Variants in ZNF516 observed in about 807,000 individuals in gnomAD.
The protein encoded by ZNF516 is zinc finger protein 516.
Under a neutral mutation model 79.7 loss-of-function variants are expected in ZNF516, and 19 were observed. That is an observed-to-expected ratio of 0.24 (90% confidence interval 0.17 to 0.35). ZNF516 has a LOEUF of 0.35. ZNF516 is among the 10% of genes least tolerant of loss of function. The probability of loss-of-function intolerance (pLI) is 1.00; values close to 1 mark genes in which losing one functional copy is unlikely to be tolerated. For synonymous variants in ZNF516, 877 were observed against 739.5 expected, an observed-to-expected ratio of 1.19 and a Z score of -3.02; for missense variants, 1,678 against 1,679.5, an observed-to-expected ratio of 1.00 and a Z score of 0.02.
chr18:76,472,841 C>G (rs1436813195), intron 1 of ZNF516, among the ~76,000 whole-genome samples: 1 of 152,186 alleles, frequency 6.6e-6, no homozygotes, highest in Non-Finnish European at 1.5e-5. Context: ...GTGATCTACA[C>G]ATAAAATAAA....
chr18:76,381,470 A>G (rs2074891885), intron 3 of ZNF516, among the ~76,000 whole-genome samples: 2 of 152,182 alleles, frequency 1.3e-5, no homozygotes, highest in South Asian at 4.1e-4. Flanking sequence ...ATTTTCAGAG[A>G]TTTTTAACAT....
At chr18:76,475,440 G>T (rs1431946928) in intron 1 of ZNF516, among the ~76,000 whole-genome samples, 3 of 152,222 alleles carry the variant, frequency 2.0e-5, no homozygotes, top group Admixed American at 1.3e-4. Flanking sequence ...AAATTTGGCA[G>T]TATCTGTCAA....
chr18:76,401,585 G>A (rs916960371), intron 3 of ZNF516, among the ~76,000 whole-genome samples: 3 of 151,972 alleles, frequency 2.0e-5, no homozygotes, highest in Non-Finnish European at 4.4e-5. Flanking sequence ...TCTCCGAAAC[G>A]CCCTGCAGCT....
chr18:76,441,565 G>A lies in ZNF516; in HGVS notation c.1490C>T (p.Ser497Leu), dbSNP rs1263490596. 6.7e-6 allele frequency: 10 copies of A among 1,483,956 alleles called. No homozygotes were observed. Among genetic ancestry groups the A allele is most frequent in the Non-Finnish European group, 7.1e-6 (8 of 1,122,424 alleles). The allele number at this position is 1,483,956 out of a possible 1,614,324, so 91.9% of individuals were successfully genotyped here. The stretch of plus-strand genomic sequence containing the variant: ...GGCCCTGCGGTTGGGGCGCGCGGCC[G>A]AGCGGGGATCGAGGTGGCCGGCGGG... ...PAPAGHLDPRSAARPNRRAAA... is the reference protein window; with the variant it reads ...PAPAGHLDPRLAARPNRRAAA... Residue 497 changes from serine to leucine, a missense_variant, in exon 3 of 7, where the codon TCG becomes TTG. Around this residue, in one of 5 missense-constraint regions of ZNF516, gnomAD observed 1,294 missense variants for 1,248.3 expected, o/e 1.04. Transcript: ENST00000443185.
intron 1 of ZNF516, chr18:76,488,232 C>T (rs1378795862): frequency 1.0e-6 from 1 of 985,262 alleles, no homozygotes; most frequent in East Asian, 1.1e-4. Context: ...GTAGGGGCCG[C>T]TTCCAAGGCC....
In ZNF516 at chr18:76,359,099, A is replaced by G. The variant is rs1227885350; in HGVS notation, c.*3399T>C. On this transcript the variant is annotated 3_prime_UTR_variant, in exon 7 of 7. Transcript: ENST00000443185. ...TCAGCGACCTGTGCACAGTGGCCGG[A>G]TCAGGGGTGGGGGCCTGTCATACTG... The G allele has an allele frequency of 1.3e-5, 2 of 152,206 alleles. No homozygotes were observed. Among genetic ancestry groups the G allele is most frequent in the African/African-American group, 4.8e-5 (2 of 41,442 alleles). 9.4% of individuals were successfully genotyped at this position (152,206 alleles called of 1,614,324 possible).
chr18:76,405,290 G>A (rs1279875603), intron 3 of ZNF516, among the ~76,000 whole-genome samples: 1 of 152,160 alleles, frequency 6.6e-6, no homozygotes, highest in Non-Finnish European at 1.5e-5. Flanking sequence ...GTGCAGTGGT[G>A]CAATCATAGC....
intron 1 of ZNF516, among the ~76,000 whole-genome samples, chr18:76,473,638 A>G (rs1364895808): frequency 6.6e-6 from 1 of 151,768 alleles, no homozygotes; most frequent in Non-Finnish European, 1.5e-5. Flanking sequence ...TGTCTCTACT[A>G]AAAATACAAA....
intron 1 of ZNF516, among the ~76,000 whole-genome samples, chr18:76,494,804 A>G (rs924969212): frequency 6.6e-5 from 10 of 151,062 alleles, no homozygotes; most frequent in Non-Finnish European, 1.5e-4. Flanking sequence ...GCCTTTGACA[A>G]AGTGTACAAA....
intron 3 of ZNF516, among the ~76,000 whole-genome samples, chr18:76,407,772 G>A (rs1433229979): frequency 6.6e-6 from 1 of 152,234 alleles, no homozygotes; most frequent in African/African-American, 2.4e-5. Flanking sequence ...GTCGTTGCCA[G>A]CCACCCAGAC....
rs1461194209 is a variant in ZNF516 at position 76,441,780 on chromosome 18, A to G, written c.1275T>C (p.Gly425=). The part of the protein sequence containing the change: ...SYQAWQLATR[G]KVAEPAEYLK... ...GGTACTCGGCCGGCTCGGCCACCTT[A>G]CCCCGCGTGGCCAGCTGCCAGGCCT... The change falls in exon 3 of 7, where the codon GGT becomes GGC. Residue 425 remains glycine, a synonymous_variant. Coordinates refer to ENST00000443185, the MANE Select transcript of ZNF516 (RefSeq NM_014643.4). 6.4e-7 allele frequency: 1 copy of G among 1,558,816 alleles called. No individual in the cohort carries two copies. Among genetic ancestry groups the G allele is most frequent in the Non-Finnish European group, 8.6e-7 (1 of 1,159,008 alleles).
Position 76,467,801 on chromosome 18 carries a change from C to CA in ZNF516, c.-271-4661dup, listed in dbSNP as rs1258628473. On this transcript the variant is annotated intron_variant, in intron 1 of 6. Coordinates refer to ENST00000443185, the MANE Select transcript of ZNF516 (RefSeq NM_014643.4). The surrounding 1 kb of genome is among the most constrained non-coding windows in gnomAD (Gnocchi z 4.2). ...CGTTCGATTCCTGAGTTATTTTTAC[C>CA]AAATAAATTCAAGTCCAGTTATCGA... Among the ~76,000 whole-genome samples the CA allele has an allele frequency of 1.3e-5, 2 of 152,178 alleles. No individual in the cohort carries two copies. Among genetic ancestry groups the CA allele is most frequent in the African/African-American group, 4.8e-5 (2 of 41,442 alleles).
At chr18:76,449,852 C>T (rs1912285716) in intron 2 of ZNF516, among the ~76,000 whole-genome samples, 1 of 152,156 alleles carries the variant, frequency 6.6e-6, no homozygotes, top group African/African-American at 2.4e-5. Context: ...ATAGGAACAC[C>T]TCTATATTCA....
rs1599133505 is a variant in ZNF516, at chr18:76,370,124, C to A, written c.3432+404G>T. Among the ~76,000 whole-genome samples, 10 of 152,358 alleles carry A rather than the reference C, an allele frequency of 6.6e-5. No individual in the cohort carries two copies. In the South Asian group the frequency reaches 1.7e-3, roughly 25 times the overall value. On this transcript the variant is annotated intron_variant, in intron 6 of 6. Transcript: ENST00000443185. ...AGGCACAAAGCCGCAAGACACCACG[C>A]TGGACACGAAACTTTTCTTACGGAA...
intron 6 of ZNF516, 24 bp from the exon 7 acceptor site, chr18:76,362,581 A>G (rs1193957516): frequency 6.3e-7 from 1 of 1,599,998 alleles, no homozygotes; most frequent in Non-Finnish European, 8.6e-7. Flanking sequence ...AGGAAAGAAC[A>G]GGAGAAAAGC....
intron 2 of ZNF516, among the ~76,000 whole-genome samples, chr18:76,448,738 T>A (rs1912216952): frequency 6.6e-6 from 1 of 152,108 alleles, no homozygotes; most frequent in African/African-American, 2.4e-5. Flanking sequence ...AAGCACTTCC[T>A]GAGCACCTAC....
rs577478036 is a variant in ZNF516 at position 76,404,907 on chromosome 18, T to G, written c.1811-24604A>C. Among the ~76,000 whole-genome samples, 196 of 152,264 alleles carry G rather than the reference T, an allele frequency of 1.3e-3. 2 individuals carry two copies. Among genetic ancestry groups the G allele is most frequent in the Middle Eastern group, 0.01 (3 of 294 alleles). On this transcript the variant is annotated intron_variant, in intron 3 of 6. Coordinates refer to ENST00000443185, the MANE Select transcript of ZNF516 (RefSeq NM_014643.4). ...ATGACTGTGAGTAGGAGCGTGTGTGTGTGGGGCCGTCCCTGCAGACAGGAG... is the reference window on the plus strand; with the variant it reads ...ATGACTGTGAGTAGGAGCGTGTGTGGGTGGGGCCGTCCCTGCAGACAGGAG...
intron 3 of ZNF516, among the ~76,000 whole-genome samples, chr18:76,400,413 G>A (rs2075202877): frequency 6.6e-6 from 1 of 152,324 alleles, no homozygotes; most frequent in East Asian, 1.9e-4. Context: ...CACTTGGTAG[G>A]ATTTGCTACC....
chr18:76,441,443 G>C lies in ZNF516; in HGVS notation c.1612C>G (p.Arg538Gly). 6.2e-7 allele frequency: 1 copy of C among 1,606,338 alleles called. No homozygotes were observed. Among genetic ancestry groups the C allele is most frequent in the Non-Finnish European group, 8.5e-7 (1 of 1,177,648 alleles). Residue 538 changes from arginine (R) to glycine (G), a missense_variant, in exon 3 of 7, where the codon CGC (arginine) becomes GGC (glycine). Arg to Gly is a moderately radical substitution (Grantham distance 125). Around this residue, in one of 5 missense-constraint regions of ZNF516, gnomAD observed 1,294 missense variants for 1,248.3 expected, o/e 1.04. Transcript: ENST00000443185. ...CTGTCCCTCTCGCGGCGCGCGCGGC[G>C]ATGCACGCGTGAGTGCAGCACCATC... ...HQMVLHSRVH[R>G]RARRERDSDG...
Sources: allele counts gnomAD v4.1 joint callset (sites outside exome capture counted in the v4.1 genomes callset), GRCh38; gene constraint gnomAD v4.1.1; regional missense constraint gnomAD v4.1.1; non-coding constraint Gnocchi (gnomAD v3.1); transcripts MANE v1.5; gene names NCBI Gene and HGNC (gene_info 2026-07-23, HGNC 2026-07-21).